Variants in PPM1L observed in about 807,000 individuals in gnomAD.
PPM1L encodes the protein protein phosphatase, Mg2+/Mn2+ dependent 1L.
A neutral mutation model predicts 31.4 loss-of-function variants in PPM1L; 13 were observed. The ratio of observed to expected loss-of-function variants is 0.41; its 90% confidence interval spans 0.27 to 0.66. The LOEUF (loss-of-function observed/expected upper bound fraction) is 0.66. Among genes scored for constraint, PPM1L ranks in the 30% least tolerant of loss-of-function variants. PPM1L has a pLI of 0.29. For missense variants in PPM1L, 326 were observed against 453.7 expected (o/e 0.72, Z 2.56); for synonymous variants, 184 against 175.4 (o/e 1.05, Z -0.39).
intron 1 of PPM1L, among the ~76,000 whole-genome samples, chr3:160,918,412 C>T (rs565627506): frequency 5.9e-5 from 9 of 152,318 alleles, no homozygotes; most frequent in Admixed American, 2.0e-4. Context: ...CATGCTAAAA[C>T]CTTTGGAAAA....
chr3:160,764,252 C>T (rs969207409), intron 1 of PPM1L, among the ~76,000 whole-genome samples: 1 of 152,114 alleles, frequency 6.6e-6, no homozygotes, highest in African/African-American at 2.4e-5. Flanking sequence ...CTGCCTCAGC[C>T]TCATGAATAG....
chr3:160,953,919 G>A (rs1169385874), intron 1 of PPM1L, among the ~76,000 whole-genome samples: 1 of 152,120 alleles, frequency 6.6e-6, no homozygotes, highest in Non-Finnish European at 1.5e-5. Flanking sequence ...CCCATCTGTT[G>A]GGAAGCTTTG....
At chr3:160,915,569 CATA>C (rs2108066535) in intron 1 of PPM1L, among the ~76,000 whole-genome samples, 1 of 152,236 alleles carries the variant, frequency 6.6e-6, no homozygotes, top group African/African-American at 2.4e-5. Context: ...CTTTAAAGTT[CATA>C]TGGAACCAAA....
chr3:160,950,392 A>G (rs925570148), intron 1 of PPM1L, among the ~76,000 whole-genome samples: 5 of 152,152 alleles, frequency 3.3e-5, no homozygotes, highest in African/African-American at 1.2e-4. Flanking sequence ...TTTTGGGGTT[A>G]CTCACATCAC....
intron 2 of PPM1L, among the ~76,000 whole-genome samples, chr3:160,975,857 C>G (rs1336813927): frequency 6.8e-6 from 1 of 147,916 alleles, no homozygotes; most frequent in Non-Finnish European, 1.5e-5. Flanking sequence ...TAATTGAATA[C>G]CCTTTATTTC....
At chr3:160,830,038 A>C (rs1713477222) in intron 1 of PPM1L, among the ~76,000 whole-genome samples, 1 of 152,218 alleles carries the variant, frequency 6.6e-6, no homozygotes, top group Non-Finnish European at 1.5e-5. Flanking sequence ...GGCAGTTGAG[A>C]AAACAAGAAG....
At chr3:160,904,544 G>A (rs1427325532) in intron 1 of PPM1L, among the ~76,000 whole-genome samples, 1 of 152,118 alleles carries the variant, frequency 6.6e-6, no homozygotes, top group Non-Finnish European at 1.5e-5. Context: ...ATGGTAAAGA[G>A]TATGGCTGTA....
intron 1 of PPM1L, among the ~76,000 whole-genome samples, chr3:160,815,428 G>C (rs1006922435): frequency 2.0e-4 from 31 of 152,074 alleles, no homozygotes; most frequent in African/African-American, 7.2e-4. Context: ...AAGTAAGTTT[G>C]GGAATTCCTG....
At chr3:160,872,142 G>A (rs1009428373) in intron 1 of PPM1L, among the ~76,000 whole-genome samples, 6 of 152,072 alleles carry the variant, frequency 3.9e-5, no homozygotes, top group African/African-American at 1.4e-4. Flanking sequence ...ATCACTCACC[G>A]GTTTAAGAAG....
At chr3:161,001,263 A>G (rs2108051814) in intron 2 of PPM1L, among the ~76,000 whole-genome samples, 1 of 152,242 alleles carries the variant, frequency 6.6e-6, no homozygotes, top group Non-Finnish European at 1.5e-5. Context: ...AAAATACCCA[A>G]GGAACTAAAA....
At chr3:160,913,666 A>T (rs1714049052) in intron 1 of PPM1L, among the ~76,000 whole-genome samples, 1 of 152,146 alleles carries the variant, frequency 6.6e-6, no homozygotes, top group Admixed American at 6.6e-5. Flanking sequence ...GTACTCTTAT[A>T]TCTGGCTTTT....
chr3:160,872,082 G>T (rs1449411864), intron 1 of PPM1L, among the ~76,000 whole-genome samples: 2 of 152,172 alleles, frequency 1.3e-5, no homozygotes, highest in African/African-American at 4.8e-5. Context: ...CTCCTGCAGT[G>T]TTGAAAGGTG....
intron 2 of PPM1L, among the ~76,000 whole-genome samples, chr3:161,052,231 T>C (rs927989703): frequency 1.3e-5 from 2 of 152,264 alleles, no homozygotes; most frequent in African/African-American, 4.8e-5. Flanking sequence ...AAGTTCTATG[T>C]CTTCTGTGCT....
intron 2 of PPM1L, among the ~76,000 whole-genome samples, chr3:161,006,243 G>A (rs1419567539): frequency 6.6e-6 from 1 of 152,184 alleles, no homozygotes; most frequent in Non-Finnish European, 1.5e-5. Context: ...AGTGAAATAA[G>A]CTAGACATAA....
chr3:160,817,360 A>G (rs1348282431), intron 1 of PPM1L, among the ~76,000 whole-genome samples: 4 of 152,096 alleles, frequency 2.6e-5, no homozygotes, highest in African/African-American at 9.7e-5. Context: ...GAAGAGAGGC[A>G]AGATTTGTTG....
rs575680499 is a variant in PPM1L, at chr3:160,961,894, A to G, written c.558A>G (p.Val186=). ...GAGAAATGCTAGAAAAATTGACTGT[A>G]TCCTATGATGAAGCAGGTATGTTTG... The part of the protein sequence containing the change: ...IDREMLEKLT[V]SYDEAGTTCL... The change falls in exon 2 of 4, where the codon GTA becomes GTG. Residue 186 remains valine, a synonymous_variant. Transcript: ENST00000498165. 6 of 1,580,264 alleles carry G rather than the reference A, an allele frequency of 3.8e-6. No homozygotes were observed. In the African/African-American group the frequency reaches 8.2e-5, roughly 22 times the overall value.
intron 2 of PPM1L, among the ~76,000 whole-genome samples, chr3:160,992,189 G>T (rs1182815964): frequency 1.3e-5 from 2 of 152,128 alleles, no homozygotes; most frequent in African/African-American, 2.4e-5. Flanking sequence ...AAAGGATATG[G>T]GTGGGTAACT....
chr3:160,892,333 G>A (rs1025019757), intron 1 of PPM1L, among the ~76,000 whole-genome samples: 1 of 151,998 alleles, frequency 6.6e-6, no homozygotes, highest in Admixed American at 6.6e-5. Context: ...GCAAGGCTGG[G>A]GGAGATACCA....
chr3:160,976,824 G>C (rs550490221), intron 2 of PPM1L, among the ~76,000 whole-genome samples: 1 of 152,204 alleles, frequency 6.6e-6, no homozygotes, highest in Non-Finnish European at 1.5e-5. Context: ...CAAAAAACCA[G>C]CTCCTGGATT....
Sources: allele counts gnomAD v4.1 joint callset (sites outside exome capture counted in the v4.1 genomes callset), GRCh38; gene constraint gnomAD v4.1.1; transcripts MANE v1.5; gene names NCBI Gene and HGNC (gene_info 2026-07-23, HGNC 2026-07-21).